The following ACTR3C variants were observed in gnomAD, a reference collection of about 807,000 sequenced individuals.
The protein encoded by ACTR3C is actin related protein 3C.
Under a neutral mutation model 26.3 loss-of-function variants are expected in ACTR3C, and 18 were observed. The ratio of observed to expected loss-of-function variants is 0.68; its 90% CI spans 0.47 to 1.01. ACTR3C has a LOEUF of 1.01. ACTR3C is among the 50% of genes least tolerant of loss of function. ACTR3C has a pLI of 0.00. For missense variants in ACTR3C, 184 were observed against 250.7 expected (o/e 0.73, Z 1.80); for synonymous variants, 55 against 94.5 (o/e 0.58, Z 2.42).
At chr7:150,114,928 A>G in the ACTR3C span, among the ~76,000 whole-genome samples, 1 of 152,204 alleles carries the variant, frequency 6.6e-6, no homozygotes, top group African/African-American at 2.4e-5. Flanking sequence ...TTGCCCAAGT[A>G]TAGATTTGAA....
the ACTR3C span, among the ~76,000 whole-genome samples, chr7:149,930,507 G>A: frequency 1.9e-4 from 29 of 152,252 alleles, no homozygotes; most frequent in African/African-American, 6.7e-4. Context: ...TTCAGTAGCT[G>A]TTCTCTTCCA....
At chr7:150,136,294 A>G in the ACTR3C span, among the ~76,000 whole-genome samples, 4 of 152,248 alleles carry the variant, frequency 2.6e-5, no homozygotes, top group South Asian at 4.1e-4. Flanking sequence ...AGAAACGCCA[A>G]CAAGAGATGA....
the ACTR3C span, among the ~76,000 whole-genome samples, chr7:150,013,956 A>G: frequency 6.2e-4 from 94 of 152,236 alleles, no homozygotes; most frequent in East Asian, 0.014. Context: ...CAAGAGGAGG[A>G]AAGACACTGG....
chr7:150,096,400 C>T, the ACTR3C span, among the ~76,000 whole-genome samples: 1 of 151,316 alleles, frequency 6.6e-6, no homozygotes, highest in Non-Finnish European at 1.5e-5. Flanking sequence ...AGGTGCTTCT[C>T]CTCCGGTAGC....
the ACTR3C span, chr7:150,047,996 G>A: frequency 4.2e-4 from 501 of 1,198,376 alleles, 1 homozygote; most frequent in South Asian, 3.5e-3. Flanking sequence ...CAGCGCCGGC[G>A]ACCGCTCCTC....
the ACTR3C span, among the ~76,000 whole-genome samples, chr7:150,054,512 G>C: frequency 1.3e-5 from 2 of 152,210 alleles, no homozygotes; most frequent in Non-Finnish European, 2.9e-5. Context: ...GCTTTAGCCT[G>C]GCCCCAGAAC....
chr7:149,994,884 C>T, the ACTR3C span, among the ~76,000 whole-genome samples: 29 of 113,916 alleles, frequency 2.5e-4, no homozygotes, highest in African/African-American at 9.1e-4. Flanking sequence ...TATGGAGTTT[C>T]GCTCTTGTTG....
At chr7:150,293,170 A>C (rs1377648974) in intron 3 of ACTR3C, 142 bp downstream of exon 3, 2 of 1,472,886 alleles carry the variant, frequency 1.4e-6, no homozygotes, top group Non-Finnish European at 1.8e-6. Flanking sequence ...AAAATAAAAA[A>C]CTTTTATTAT....
At chr7:150,323,400 T>C (rs3735174) in intron 1 of ACTR3C, 69 bp downstream of exon 1, 86,200 of 301,238 alleles carry the variant, frequency 0.29, 12,772 homozygotes, top group East Asian at 0.43. Flanking sequence ...GCCAACAAGT[T>C]GGGTGGTGGG....
the ACTR3C span, among the ~76,000 whole-genome samples, chr7:150,185,273 A>AGG: frequency 1.4e-3 from 151 of 104,508 alleles, no homozygotes; most frequent in African/African-American, 6.1e-3. Flanking sequence ...ATTAAATGTC[A>AGG]GGCGTGTGTG....
At chr7:150,003,366 CTG>C in the ACTR3C span, among the ~76,000 whole-genome samples, 2 of 152,308 alleles carry the variant, frequency 1.3e-5, no homozygotes, top group African/African-American at 4.8e-5. Context: ...GTGGTGTGTG[CTG>C]TGTGTGTGAT....
chr7:150,005,875 G>T, the ACTR3C span, among the ~76,000 whole-genome samples: 4 of 152,182 alleles, frequency 2.6e-5, no homozygotes, highest in African/African-American at 9.7e-5. Flanking sequence ...CTTTTCTTCT[G>T]CCAGGGTTAC....
the ACTR3C span, among the ~76,000 whole-genome samples, chr7:150,022,231 A>AT: frequency 6.6e-6 from 1 of 151,054 alleles, no homozygotes; most frequent in African/African-American, 2.5e-5. Context: ...GATGTTGAGC[A>AT]TTTTTTCATA....
chr7:149,967,561 G>A, the ACTR3C span, among the ~76,000 whole-genome samples: 1 of 152,262 alleles, frequency 6.6e-6, no homozygotes, highest in African/African-American at 2.4e-5. Flanking sequence ...TAGCAGCTCT[G>A]TCCTCTAAAA....
the ACTR3C span, among the ~76,000 whole-genome samples, chr7:149,934,185 C>T: frequency 4.6e-5 from 7 of 152,156 alleles, no homozygotes; most frequent in Non-Finnish European, 8.8e-5. Context: ...AAGTTTGACT[C>T]AATGCTAGCA....
chr7:150,108,380 A>G, the ACTR3C span, among the ~76,000 whole-genome samples: 22,574 of 150,992 alleles, frequency 0.15, 2,034 homozygotes, highest in African/African-American at 0.22. Flanking sequence ...AAGCCCAGTG[A>G]AGTAAGTTAT....
At chr7:150,012,834 C>T in the ACTR3C span, among the ~76,000 whole-genome samples, 1 of 152,266 alleles carries the variant, frequency 6.6e-6, no homozygotes, top group African/African-American at 2.4e-5. Flanking sequence ...GGGGACCTAC[C>T]TGCAGCCAGG....
At chr7:150,191,358 TC>T in the ACTR3C span, among the ~76,000 whole-genome samples, 2 of 152,160 alleles carry the variant, frequency 1.3e-5, no homozygotes, top group South Asian at 4.1e-4. Context: ...AACAGTATAT[TC>T]CCCCAATGAT....
chr7:150,086,446 C>T, the ACTR3C span, among the ~76,000 whole-genome samples: 9 of 152,144 alleles, frequency 5.9e-5, no homozygotes, highest in Non-Finnish European at 1.3e-4. Context: ...CTTTTGGGCT[C>T]AGTCAGAAAT....
Sources: allele counts gnomAD v4.1 joint callset (sites outside exome capture counted in the v4.1 genomes callset), GRCh38; gene constraint gnomAD v4.1.1; transcripts MANE v1.5; gene names NCBI Gene and HGNC (gene_info 2026-07-23, HGNC 2026-07-21).